The following FLT4 variants were observed in gnomAD, a reference collection of about 807,000 sequenced individuals.
FLT4 encodes the protein vascular endothelial growth factor receptor 3.
A neutral mutation model predicts 163.2 loss-of-function variants in FLT4; 30 were observed. The ratio of observed to expected loss-of-function variants is 0.18; its 90% CI spans 0.14 to 0.25. FLT4 has a LOEUF of 0.25. Ranked by LOEUF, FLT4 falls within the 10% of genes least tolerant of loss-of-function variation. FLT4 has a pLI of 1.00. For missense variants in FLT4, 1,510 were observed against 1,863.8 expected, an observed-to-expected ratio of 0.81 and a Z score of 3.50; for synonymous variants, 884 against 789.5, an observed-to-expected ratio of 1.12 and a Z score of -2.01.
At chr5:180,641,652 A>G (rs964407414) in intron 1 of FLT4, among the ~76,000 whole-genome samples, 2 of 152,122 alleles carry the variant, frequency 1.3e-5, no homozygotes, top group Non-Finnish European at 2.9e-5. Context: ...AGGCAGCAGG[A>G]GCGTCCTGTC....
intron 1 of FLT4, among the ~76,000 whole-genome samples, chr5:180,644,604 T>C (rs1236867451): frequency 3.3e-5 from 5 of 152,218 alleles, no homozygotes; most frequent in Admixed American, 2.6e-4. Flanking sequence ...TTCACCCTTG[T>C]GGCCTGAATT....
intron 28 of FLT4, 66 bp downstream of exon 28, chr5:180,609,839 C>T: frequency 1.3e-6 from 2 of 1,596,226 alleles, no homozygotes; most frequent in South Asian, 2.2e-5. Flanking sequence ...ATTCCTGACG[C>T]TGCCTCCCCT....
At chr5:180,625,477 C>T (rs143526283) in intron 10 of FLT4, among the ~76,000 whole-genome samples, 362 of 152,352 alleles carry the variant, frequency 2.4e-3, no homozygotes, top group Admixed American at 6.6e-3. Context: ...GCAACCATCC[C>T]AGGGGCTCAG....
chr5:180,619,681 G>C lies in FLT4; in HGVS notation c.2631C>G (p.Ala877=), dbSNP rs199788289. Residue 877 remains alanine, a synonymous_variant, in exon 18 of 30, where the codon GCC becomes GCG. Transcript: ENST00000261937. The part of the protein sequence containing the change: ...IHKGSSCDTV[A]VKMLKEGATA... ...ACCCCACACCTTTCAGCATTTTCACGGCCACGGTGTCACAGCTGCTGCCCT... is the reference window on the plus strand; with the variant it reads ...ACCCCACACCTTTCAGCATTTTCACCGCCACGGTGTCACAGCTGCTGCCCT... 6.2e-7 allele frequency: 1 copy of C among 1,612,430 alleles called. No individual in the cohort carries two copies. The highest frequency in any genetic ancestry group is 8.5e-7 in the Non-Finnish European group (1 of 1,179,656).
At chr5:180,607,231 A>G (rs1581604569) in intron 29 of FLT4, among the ~76,000 whole-genome samples, 1 of 152,218 alleles carries the variant, frequency 6.6e-6, no homozygotes, top group African/African-American at 2.4e-5. Context: ...TTCACTTTCT[A>G]TCTGGGATAT....
rs1207984758 is a variant in FLT4, at chr5:180,611,492, GGA to G, written c.3538-15_3538-14del. On this transcript the variant is annotated splice_polypyrimidine_tract_variant and intron_variant, in intron 26 of 29. Coordinates refer to ENST00000261937, the MANE Select transcript of FLT4 (RefSeq NM_182925.5). ...CCTCCTCTTCCTCCTGGCGGGAACAGGAGAGGCAGCCAGGCCAGAAACCACCA... is the reference window on the plus strand; with the variant it reads ...CCTCCTCTTCCTCCTGGCGGGAACAGGAGGCAGCCAGGCCAGAAACCACCA... 11 of 1,612,930 alleles carry G rather than the reference GGA, an allele frequency of 6.8e-6. No individual in the cohort carries two copies. Among genetic ancestry groups the G allele is most frequent in the Non-Finnish European group, 9.3e-6 (11 of 1,179,766 alleles).
At chr5:180,633,675 T>C (rs1344622169) in intron 1 of FLT4, among the ~76,000 whole-genome samples, 1 of 151,940 alleles carries the variant, frequency 6.6e-6, no homozygotes, top group Non-Finnish European at 1.5e-5. Flanking sequence ...TTTTTCCAGG[T>C]AGTGGAAAGT....
intron 27 of FLT4, among the ~76,000 whole-genome samples, chr5:180,610,567 G>A (rs1296409943): frequency 2.0e-5 from 3 of 152,230 alleles, no homozygotes; most frequent in Admixed American, 1.3e-4. Context: ...AGTGTGAAAT[G>A]CCAGGGATAA....
At chr5:180,625,801 G>A (rs1763555152) in intron 10 of FLT4, 68 bp downstream of exon 10, 7 of 1,463,674 alleles carry the variant, frequency 4.8e-6, no homozygotes, top group Middle Eastern at 2.3e-4. Flanking sequence ...TGCTGTAAAG[G>A]AGGTTCCTCA....
Position 180,606,921 on chromosome 5 carries a change from A to AAAAG in FLT4, c.3893+2046_3893+2047insCTTT, listed in dbSNP as rs1397753687. On this transcript the variant is annotated intron_variant, in intron 29 of 29. Transcript: ENST00000261937. ...AAAAAAAAAAAAAAAAAAAACAAAC[A>AAAAG]AACAAACTTAGCTGGGCGTGGTGGC... Among the ~76,000 whole-genome samples, 61 of 146,654 alleles carry AAAAG rather than the reference A, an allele frequency of 4.2e-4. 1 individual carries two copies. The highest frequency in any genetic ancestry group is 7.8e-4 in the Non-Finnish European group (52 of 66,806).
intron 1 of FLT4, among the ~76,000 whole-genome samples, chr5:180,637,513 G>A (rs1479901511): frequency 6.6e-6 from 1 of 152,070 alleles, no homozygotes; most frequent in African/African-American, 2.4e-5. Context: ...TCTTTGCTAT[G>A]CAATCATCTC....
chr5:180,637,016 C>G (rs1407511136), intron 1 of FLT4, among the ~76,000 whole-genome samples: 1 of 152,100 alleles, frequency 6.6e-6, no homozygotes, highest in Non-Finnish European at 1.5e-5. Flanking sequence ...CAGGGTGCTC[C>G]TCCCCTCTCA....
intron 1 of FLT4, among the ~76,000 whole-genome samples, chr5:180,645,867 A>G (rs1367136642): frequency 2.0e-5 from 3 of 152,126 alleles, no homozygotes; most frequent in Non-Finnish European, 2.9e-5. Context: ...AATCTTGCTC[A>G]GAGTCTAGGG....
chr5:180,616,315 C>T, intron 23 of FLT4, 52 bp downstream of exon 23: 2 of 1,612,288 alleles, frequency 1.2e-6, no homozygotes, highest in Non-Finnish European at 1.7e-6. Flanking sequence ...TGTGGTCCCA[C>T]CCCTTCACCT....
At chr5:180,650,190 A>C (rs1765670889), upstream of FLT4, among the ~76,000 whole-genome samples, 2 of 144,696 alleles carry the variant, frequency 1.4e-5, no homozygotes, top group East Asian at 2.1e-4. Context: ...AAAAAAAAGC[A>C]AAAACAAAAC....
Position 180,614,062 on chromosome 5 carries a change from A to G in FLT4, c.3331+6T>C. 6.3e-7 allele frequency: 1 copy of G among 1,595,656 alleles called. No individual in the cohort carries two copies. The highest frequency in any genetic ancestry group is 8.6e-7 in the Non-Finnish European group (1 of 1,163,238). On this transcript the variant is annotated splice_donor_region_variant and intron_variant, in intron 24 of 29. Transcript: ENST00000261937. ...TCTCCCCACCGGCACCCCATCCTGCACTCACCCAGAGAGAAGATCTCCCAG... is the reference window on the plus strand; with the variant it reads ...TCTCCCCACCGGCACCCCATCCTGCGCTCACCCAGAGAGAAGATCTCCCAG...
chr5:180,604,525 CTA>C (rs1301005476), intron 29 of FLT4, among the ~76,000 whole-genome samples: 2 of 152,312 alleles, frequency 1.3e-5, no homozygotes, highest in African/African-American at 2.4e-5. Context: ...TCAAGTTACA[CTA>C]TGTCATTCTC....
At chr5:180,638,796 C>T (rs1404515852) in intron 1 of FLT4, among the ~76,000 whole-genome samples, 10 of 152,202 alleles carry the variant, frequency 6.6e-5, no homozygotes, top group Admixed American at 3.3e-4. Flanking sequence ...TGGCTGCTTA[C>T]GGCATCTTTC....
chr5:180,618,705 G>T, intron 21 of FLT4, 65 bp downstream of exon 21: 1 of 844,932 alleles, frequency 1.2e-6, no homozygotes. Context: ...AGGCTGGGGT[G>T]CCTGATCACG....
Sources: allele counts gnomAD v4.1 joint callset (sites outside exome capture counted in the v4.1 genomes callset), GRCh38; gene constraint gnomAD v4.1.1; transcripts MANE v1.5; gene names NCBI Gene and HGNC (gene_info 2026-07-23, HGNC 2026-07-21).